The following CCDC174 variants were observed in gnomAD, a reference collection of about 807,000 sequenced individuals.
The protein encoded by CCDC174 is coiled-coil domain-containing protein 174.
CCDC174 carries 37 observed loss-of-function variants against 57.1 expected under a neutral mutation model. The ratio of observed to expected loss-of-function variants is 0.65; its 90% CI spans 0.50 to 0.85. CCDC174 has a LOEUF of 0.85. Among genes scored for constraint, CCDC174 ranks in the 40% least tolerant of loss-of-function variants. The pLI, the probability that CCDC174 is intolerant of heterozygous loss-of-function variation, is 0.00. For synonymous variants in CCDC174, 182 were observed against 190.2 expected (o/e 0.96, Z 0.35); for missense variants, 540 against 574.3 (o/e 0.94, Z 0.61).
rs1399303629 is a variant in CCDC174, at chr3:14,665,137, G to A, written c.581+14G>A. ...TCAGGGGAGACTGTAAGTGTGTGTG[G>A]TATACAGAGCTCTGCCAAGGTCTGA... On this transcript the variant is annotated intron_variant, in intron 6 of 10. Coordinates refer to ENST00000383794, the MANE Select transcript of CCDC174 (RefSeq NM_016474.5). 5 of 1,579,790 alleles carry A rather than the reference G, an allele frequency of 3.2e-6. No individual in the cohort carries two copies. The highest frequency in any genetic ancestry group is 4.4e-6 in the Non-Finnish European group (5 of 1,148,706).
chr3:14,670,046 G>T lies in CCDC174; in HGVS notation c.1065G>T (p.Lys355Asn). Residue 355 changes from lysine to asparagine, a missense_variant, in exon 10 of 11, where the codon AAG (lysine) becomes AAT (asparagine). By Grantham distance (94) the Lys-to-Asn change is moderately conservative. Coordinates refer to ENST00000383794, the MANE Select transcript of CCDC174 (RefSeq NM_016474.5). Reference protein sequence around the residue: ...EVIVQERKDTKPGVPHIREWD... With the variant: ...EVIVQERKDTNPGVPHIREWD... Reference sequence around the variant, plus strand: ...TTGTCCAGGAGAGGAAGGACACCAAGCCTGGAGTGCCACACATCCGGGAGT... The same window carrying T: ...TTGTCCAGGAGAGGAAGGACACCAATCCTGGAGTGCCACACATCCGGGAGT... 6.2e-7 allele frequency: 1 copy of T among 1,612,256 alleles called. No homozygotes were observed. Among genetic ancestry groups the T allele is most frequent in the Middle Eastern group, 1.7e-4 (1 of 6,048 alleles).
rs1464777066 is a variant in CCDC174 at position 14,672,608 on chromosome 3, A to G, written c.*1414A>G. The G allele has an allele frequency of 6.6e-6, 1 of 152,214 alleles. No individual in the cohort carries two copies. Among genetic ancestry groups the G allele is most frequent in the Non-Finnish European group, 1.5e-5 (1 of 68,042 alleles). The allele number at this position is 152,214 out of a possible 1,614,324, so 9.4% of individuals were successfully genotyped here. The stretch of plus-strand genomic sequence containing the variant: ...TAATGGTCAGCCTAATCATTCTGTC[A>G]GCCTAATCGGGTAATTGCTTTTTTT... On this transcript the variant is annotated 3_prime_UTR_variant, in exon 11 of 11. Coordinates refer to ENST00000383794, the MANE Select transcript of CCDC174 (RefSeq NM_016474.5).
chr3:14,655,181 C>T (rs541374928), intron 2 of CCDC174, among the ~76,000 whole-genome samples: 4 of 152,062 alleles, frequency 2.6e-5, no homozygotes, highest in African/African-American at 9.6e-5. Context: ...CATGGTGGTG[C>T]GCACCTGTAT....
chr3:14,662,318 C>T (rs1353823624), intron 5 of CCDC174, among the ~76,000 whole-genome samples: 2 of 151,896 alleles, frequency 1.3e-5, no homozygotes, highest in Non-Finnish European at 2.9e-5. Flanking sequence ...TCCCATGGCC[C>T]TTTGCTTTAA....
intron 8 of CCDC174, 189 bp from the exon 9 acceptor site, chr3:14,667,858 CTT>C: frequency 3.4e-6 from 2 of 595,652 alleles, no homozygotes; most frequent in Admixed American, 6.6e-5. Flanking sequence ...TCTTATGAAA[CTT>C]TGTAAGACAT....
chr3:14,670,060 A>T lies in CCDC174; in HGVS notation c.1079A>T (p.His360Leu). 6.2e-7 allele frequency: 1 copy of T among 1,611,642 alleles called. No homozygotes were observed. The highest frequency in any genetic ancestry group is 8.5e-7 in the Non-Finnish European group (1 of 1,179,248). Residue 360 changes from histidine (H) to leucine (L), a missense_variant, in exon 10 of 11, where the codon CAC (histidine) becomes CTC (leucine). Transcript: ENST00000383794. ...ERKDTKPGVPHIREWDRGKEF... is the reference protein window; with the variant it reads ...ERKDTKPGVPLIREWDRGKEF... ...AAGGACACCAAGCCTGGAGTGCCAC[A>T]CATCCGGGAGTGGGACCGCGGAAAA...
intron 1 of CCDC174, among the ~76,000 whole-genome samples, chr3:14,652,495 C>A (rs1041570190): frequency 6.6e-5 from 10 of 152,212 alleles, no homozygotes; most frequent in Admixed American, 3.3e-4. Flanking sequence ...TGCACTATCT[C>A]ATTGAATCCT....
intron 1 of CCDC174, among the ~76,000 whole-genome samples, chr3:14,653,153 G>A (rs2030834520): frequency 6.6e-6 from 1 of 152,180 alleles, no homozygotes; most frequent in Non-Finnish European, 1.5e-5. Flanking sequence ...TATTTTGTTT[G>A]AAGATCAGGA....
At chr3:14,651,943 G>A (rs1469202913) in intron 1 of CCDC174, 65 bp downstream of exon 1, 5 of 1,519,206 alleles carry the variant, frequency 3.3e-6, no homozygotes, top group Non-Finnish European at 3.6e-6. Context: ...AGACAAGAAT[G>A]TCGACCTAGC....
rs200013539 is a variant in CCDC174 at position 14,665,157 on chromosome 3, G to A, written c.581+34G>A. On this transcript the variant is annotated intron_variant, in intron 6 of 10. Coordinates refer to ENST00000383794, the MANE Select transcript of CCDC174 (RefSeq NM_016474.5). ...GTGTGGTATACAGAGCTCTGCCAAG[G>A]TCTGAAATGCAGCCACAGGGATTGT... The A allele has an allele frequency of 4.9e-6, 7 of 1,441,332 alleles. No homozygotes were observed. The African/African-American group carries it at 7.0e-5, about 14-fold the overall frequency. The allele number at this position is 1,441,332 out of a possible 1,614,324, so 89.3% of individuals were successfully genotyped here. A position where few individuals can be genotyped will look rare whatever the true frequency, so the allele number is the denominator to read the frequency against.
Position 14,666,843 on chromosome 3 carries a change from A to AATC in CCDC174, c.621_622insTCA (p.Glu207_Asp208insSer), listed in dbSNP as rs754274911. On this transcript the variant is annotated inframe_insertion, in exon 7 of 11. Coordinates refer to ENST00000383794, the MANE Select transcript of CCDC174 (RefSeq NM_016474.5). ...GCTAATGAAAAAACCCTATTATCTG[A>AATC]AGATATGAGAAAAGAACTTCAGCGC... The AATC allele has an allele frequency of 1.9e-6, 3 of 1,595,326 alleles. No homozygotes were observed. In the South Asian group the frequency reaches 3.4e-5, roughly 18 times the overall value.
In CCDC174 at chr3:14,667,173, G is replaced by A. The variant is rs1283617197; in HGVS notation, c.724+226G>A. The A allele has an allele frequency of 1.3e-5, 8 of 616,464 alleles. No individual in the cohort carries two copies. The East Asian group carries it at 2.2e-4, about 17-fold the overall frequency. 38.2% of individuals were successfully genotyped at this position (616,464 alleles called of 1,614,324 possible). A position where few individuals can be genotyped will look rare whatever the true frequency, so the allele number is the denominator to read the frequency against. The stretch of plus-strand genomic sequence containing the variant: ...TAATCCAAGGGATTGTTCCCTGAGA[G>A]AAGTGGAGACAGCCCATGGCTGAAA... On this transcript the variant is annotated intron_variant, in intron 7 of 10. Transcript: ENST00000383794.
chr3:14,668,422 G>A (rs1370992011), intron 9 of CCDC174, among the ~76,000 whole-genome samples: 1 of 152,146 alleles, frequency 6.6e-6, no homozygotes, highest in Non-Finnish European at 1.5e-5. Context: ...TCTTAGAATG[G>A]CATAGTCTTG....
At chr3:14,659,328 G>A (rs775132868) in intron 4 of CCDC174, among the ~76,000 whole-genome samples, 7 of 152,210 alleles carry the variant, frequency 4.6e-5, no homozygotes, top group Non-Finnish European at 1.0e-4. Context: ...AGGTGCTAGA[G>A]TTATGTTTCT....
At chr3:14,663,036 ATTTC>A (rs903553987) in intron 5 of CCDC174, among the ~76,000 whole-genome samples, 6 of 151,996 alleles carry the variant, frequency 3.9e-5, no homozygotes, top group South Asian at 2.1e-4. Flanking sequence ...TTTCTTCATC[ATTTC>A]TTTCTTTCTT....
chr3:14,665,949 A>G (rs1411104585), intron 6 of CCDC174, among the ~76,000 whole-genome samples: 1 of 148,952 alleles, frequency 6.7e-6, no homozygotes, highest in Non-Finnish European at 1.5e-5. Context: ...GAGGCAGGAG[A>G]ATGGCGTGAA....
intron 1 of CCDC174, among the ~76,000 whole-genome samples, chr3:14,652,684 C>A (rs2030814440): frequency 6.6e-6 from 1 of 151,922 alleles, no homozygotes; most frequent in Non-Finnish European, 1.5e-5. Context: ...GGCAGATCAC[C>A]TGAGGTCGGG....
intron 5 of CCDC174, among the ~76,000 whole-genome samples, chr3:14,663,076 G>T (rs2031204794): frequency 6.6e-6 from 1 of 152,076 alleles, no homozygotes; most frequent in African/African-American, 2.4e-5. Context: ...TTTGAGGCAG[G>T]GTCTCCACAC....
intron 5 of CCDC174, among the ~76,000 whole-genome samples, chr3:14,663,044 C>A (rs2031203114): frequency 6.6e-6 from 1 of 152,124 alleles, no homozygotes; most frequent in South Asian, 2.1e-4. Context: ...TCATTTCTTT[C>A]TTTCTTTTTT....
Sources: gnomAD v4.1 joint callset for allele counts (sites outside exome capture counted in the v4.1 genomes callset) on GRCh38, gnomAD v4.1.1 for gene constraint, MANE v1.5 for transcripts, NCBI Gene and HGNC (gene_info 2026-07-23, HGNC 2026-07-21) for gene names.